Variants in SHTN1 observed in about 807,000 individuals in gnomAD.
The protein encoded by SHTN1 is shootin 1.
In SHTN1, 42 loss-of-function variants were observed where a neutral mutation model predicts 83.1. That is an observed-to-expected ratio of 0.51 (90% confidence interval 0.39 to 0.65). SHTN1 has a LOEUF of 0.65. Among genes scored for constraint, SHTN1 ranks in the 30% least tolerant of loss-of-function variants. The probability of loss-of-function intolerance (pLI) is 0.00; values close to 1 mark genes in which losing one functional copy is unlikely to be tolerated. For missense variants in SHTN1, 622 were observed against 737.8 expected (o/e 0.84, Z 1.82); for synonymous variants, 224 against 247.7 (o/e 0.90, Z 0.90).
At chr10:116,906,574 G>T in intron 15 of SHTN1, 53 bp downstream of exon 15, 1 of 1,518,850 alleles carries the variant, frequency 6.6e-7, no homozygotes, top group Non-Finnish European at 8.9e-7. Flanking sequence ...AGACTTAGAA[G>T]AAGATGTTTC....
intron 1 of SHTN1, among the ~76,000 whole-genome samples, chr10:117,105,502 C>T (rs1195303137): frequency 6.6e-6 from 1 of 152,158 alleles, no homozygotes; most frequent in African/African-American, 2.4e-5. Context: ...CACAGTCACA[C>T]AGCTGGCATT....
chr10:117,081,061 C>G (rs1589923844), intron 1 of SHTN1, among the ~76,000 whole-genome samples: 1 of 151,920 alleles, frequency 6.6e-6, no homozygotes, highest in Admixed American at 6.6e-5. Flanking sequence ...GCCAGAACTT[C>G]CAACACTATG....
At chr10:116,972,846 T>C (rs1850666227) in intron 2 of SHTN1, among the ~76,000 whole-genome samples, 3 of 152,246 alleles carry the variant, frequency 2.0e-5, no homozygotes, top group Admixed American at 2.0e-4. Flanking sequence ...CTAGAGTCTC[T>C]ATTTGGCTCT....
At chr10:116,924,901 G>C (rs2133370451) in intron 11 of SHTN1, among the ~76,000 whole-genome samples, 1 of 151,980 alleles carries the variant, frequency 6.6e-6, no homozygotes, top group East Asian at 1.9e-4. Flanking sequence ...GGGACTACAG[G>C]CACCCACCAC....
At chr10:117,087,499 G>A (rs904239127) in intron 1 of SHTN1, among the ~76,000 whole-genome samples, 1 of 152,186 alleles carries the variant, frequency 6.6e-6, no homozygotes, top group African/African-American at 2.4e-5. Context: ...AGAAAAAAGA[G>A]TGACTATTTG....
intron 7 of SHTN1, among the ~76,000 whole-genome samples, chr10:116,947,437 T>C (rs1012289744): frequency 6.6e-6 from 1 of 152,186 alleles, no homozygotes; most frequent in African/African-American, 2.4e-5. Context: ...CGTAATGACA[T>C]AGAATTTCAA....
intron 1 of SHTN1, among the ~76,000 whole-genome samples, chr10:117,084,016 TG>T (rs1165698337): frequency 2.6e-5 from 4 of 152,074 alleles, no homozygotes; most frequent in Non-Finnish European, 5.9e-5. Flanking sequence ...CAGAGTAATT[TG>T]ATCTTCTGAA....
chr10:117,064,728 C>T (rs1187446592), intron 1 of SHTN1, among the ~76,000 whole-genome samples: 6 of 151,736 alleles, frequency 4.0e-5, no homozygotes, highest in African/African-American at 9.7e-5. Context: ...CCCTCAACAA[C>T]GATCACCATT....
intron 16 of SHTN1, among the ~76,000 whole-genome samples, chr10:116,896,232 AAT>A: frequency 6.6e-6 from 1 of 152,356 alleles, no homozygotes; most frequent in South Asian, 2.1e-4. Context: ...TTCTGTTGAT[AAT>A]AGAGTTAACA....
At chr10:116,927,760 T>G in intron 11 of SHTN1, 32 bp downstream of exon 11, 1 of 1,484,546 alleles carries the variant, frequency 6.7e-7, no homozygotes, top group Non-Finnish European at 9.0e-7. Flanking sequence ...GAAGAACATT[T>G]GATGCAGAGC....
intron 1 of SHTN1, among the ~76,000 whole-genome samples, chr10:116,996,369 GAAATT>G (rs1361361395): frequency 1.3e-5 from 2 of 152,146 alleles, no homozygotes; most frequent in Non-Finnish European, 2.9e-5. Flanking sequence ...TGGAATCACT[GAAATT>G]AAAATTGGGC....
intron 2 of SHTN1, among the ~76,000 whole-genome samples, chr10:116,974,595 T>C (rs972431833): frequency 6.6e-6 from 1 of 152,202 alleles, no homozygotes; most frequent in Non-Finnish European, 1.5e-5. Flanking sequence ...AACCGCCTGA[T>C]GCACTGTTAC....
intron 1 of SHTN1, among the ~76,000 whole-genome samples, chr10:117,092,186 G>A (rs988037423): frequency 3.3e-5 from 5 of 152,264 alleles, no homozygotes; most frequent in South Asian, 4.1e-4. Flanking sequence ...GCAAATAACC[G>A]ATGTTTAAGA....
chr10:117,024,145 C>G (rs1018180276), intron 2 of SHTN1, among the ~76,000 whole-genome samples: 5 of 152,000 alleles, frequency 3.3e-5, no homozygotes, highest in African/African-American at 1.2e-4. Flanking sequence ...CGGCCTTACA[C>G]AAGAGTACAC....
chr10:116,961,788 T>C (rs1183763343), intron 3 of SHTN1, among the ~76,000 whole-genome samples: 1 of 152,220 alleles, frequency 6.6e-6, no homozygotes, highest in Non-Finnish European at 1.5e-5. Context: ...GCAGCCTTAA[T>C]TGAGAGTTTC....
chr10:117,049,253 C>G (rs1852708608), intron 1 of SHTN1, among the ~76,000 whole-genome samples: 1 of 152,010 alleles, frequency 6.6e-6, no homozygotes, highest in Non-Finnish European at 1.5e-5. Context: ...CTTTAAGCAA[C>G]TGGAATAGCC....
chr10:116,906,215 T>C (rs1847966499), intron 15 of SHTN1, among the ~76,000 whole-genome samples: 1 of 152,222 alleles, frequency 6.6e-6, no homozygotes, highest in Non-Finnish European at 1.5e-5. Flanking sequence ...ATTATATAGA[T>C]GAAGAAACTG....
intron 6 of SHTN1, among the ~76,000 whole-genome samples, chr10:116,951,704 T>C (rs757585391): frequency 6.6e-5 from 10 of 152,268 alleles, no homozygotes; most frequent in Middle Eastern, 3.2e-3. Flanking sequence ...GAATTTTATT[T>C]ATTAAGCTAG....
At chr10:116,935,484 T>C (rs1849125251) in intron 9 of SHTN1, among the ~76,000 whole-genome samples, 1 of 152,240 alleles carries the variant, frequency 6.6e-6, no homozygotes, top group Admixed American at 6.5e-5. Flanking sequence ...TTTGTGTATG[T>C]TGAACCAGCC....
Sources: allele counts gnomAD v4.1 joint callset (sites outside exome capture counted in the v4.1 genomes callset), GRCh38; gene constraint gnomAD v4.1.1; transcripts MANE v1.5; gene names NCBI Gene and HGNC (gene_info 2026-07-23, HGNC 2026-07-21).